Variants in CDH4 observed in about 807,000 individuals in gnomAD.
CDH4 encodes the protein cadherin 4.
In CDH4, 33 loss-of-function variants were observed where a neutral mutation model predicts 86.0. The ratio of observed to expected loss-of-function variants is 0.38; its 90% CI spans 0.29 to 0.51. The LOEUF (loss-of-function observed/expected upper bound fraction) is 0.51. Ranked by LOEUF, CDH4 falls within the 20% of genes least tolerant of loss-of-function variation. The probability of loss-of-function intolerance (pLI) is 0.86; values close to 1 mark genes in which losing one functional copy is unlikely to be tolerated. For synonymous variants in CDH4, 555 were observed against 549.4 expected, an observed-to-expected ratio of 1.01 and a Z score of -0.14; for missense variants, 1,114 against 1,307.4, an observed-to-expected ratio of 0.85 and a Z score of 2.28.
intron 2 of CDH4, among the ~76,000 whole-genome samples, chr20:61,508,898 G>A (rs1260392587): frequency 1.3e-5 from 2 of 152,312 alleles, no homozygotes; most frequent in East Asian, 3.9e-4. Context: ...CAGGAAGCTG[G>A]GTTCCACCCC....
intron 2 of CDH4, among the ~76,000 whole-genome samples, chr20:61,460,255 A>G (rs1389521801): frequency 6.6e-6 from 1 of 152,106 alleles, no homozygotes; most frequent in Admixed American, 6.5e-5. Context: ...TCCCTTCCTA[A>G]GGAAGGGAAA....
At chr20:61,872,554 A>G (rs6061374) in intron 6 of CDH4, among the ~76,000 whole-genome samples, 124,270 of 152,180 alleles carry the variant, frequency 0.82, 50,914 homozygotes, top group South Asian at 0.88. Flanking sequence ...GAGGCACTGC[A>G]CAGGTAGAGG....
intron 2 of CDH4, among the ~76,000 whole-genome samples, chr20:61,666,611 G>A (rs908715952): frequency 1.3e-5 from 2 of 152,202 alleles, no homozygotes; most frequent in African/African-American, 2.4e-5. Context: ...GGCCACATCC[G>A]CAGAACTGTT....
intron 2 of CDH4, among the ~76,000 whole-genome samples, chr20:61,717,158 A>G (rs1010634312): frequency 2.0e-5 from 3 of 152,186 alleles, no homozygotes; most frequent in African/African-American, 7.2e-5. Flanking sequence ...AGAGATGAGT[A>G]AAGCACTCAA....
intron 9 of CDH4, among the ~76,000 whole-genome samples, chr20:61,917,997 G>A (rs1422123384): frequency 6.6e-6 from 1 of 152,244 alleles, no homozygotes; most frequent in Non-Finnish European, 1.5e-5. Context: ...TCCCTCAGGG[G>A]CTTGTTCATA....
chr20:61,688,766 T>C (rs938852321), intron 2 of CDH4, among the ~76,000 whole-genome samples: 1 of 152,270 alleles, frequency 6.6e-6, no homozygotes, highest in Non-Finnish European at 1.5e-5. Context: ...ATTCATCTTT[T>C]AAATTATATT....
intron 2 of CDH4, among the ~76,000 whole-genome samples, chr20:61,725,747 G>T (rs2088102921): frequency 6.6e-6 from 1 of 150,982 alleles, no homozygotes; most frequent in Non-Finnish European, 1.5e-5. Flanking sequence ...GGGGGAGGAG[G>T]CCAGAGGTGA....
At position 61,900,110 on chromosome 20, in the gene CDH4, C is replaced by CGGG. The variant is rs150038969; in HGVS notation, c.1188+5068_1188+5070dup. Among the ~76,000 whole-genome samples, 65 of 152,182 alleles carry CGGG rather than the reference C, an allele frequency of 4.3e-4. 1 individual carries two copies. Among genetic ancestry groups the CGGG allele is most frequent in the Non-Finnish European group, 1.0e-4 (7 of 68,008 alleles). ...CAGACAGGCTACTGGCCAGCCTCAG[C>CGGG]GGGGGGGACTGGCTGGGCTGACCCA... is the stretch of plus-strand genomic sequence containing the variant. On this transcript the variant is annotated intron_variant, in intron 8 of 15. Transcript: ENST00000614565.
In CDH4 at chr20:61,345,658, C is replaced by T. The variant is rs150292583; in HGVS notation, c.169+90721C>T. The stretch of plus-strand genomic sequence containing the variant: ...TCAGGTTTACTTTCCCCTCTGGCAA[C>T]GAGGAGGGGAACAGGGGAAGAGAGA... On this transcript the variant is annotated intron_variant, in intron 2 of 15. Coordinates refer to ENST00000614565, the MANE Select transcript of CDH4 (RefSeq NM_001794.5). 2.3e-3 allele frequency among the ~76,000 whole-genome samples: 343 copies of T among 152,240 alleles called. 2 individuals are homozygous for T. Among genetic ancestry groups the T allele is most frequent in the African/African-American group, 7.2e-3 (298 of 41,548 alleles).
At chr20:61,757,505 C>A (rs13036268) in intron 3 of CDH4, among the ~76,000 whole-genome samples, 22,092 of 152,234 alleles carry the variant, frequency 0.15, 1,726 homozygotes, top group Non-Finnish European at 0.16. Flanking sequence ...GCCCCAGGGG[C>A]AGTCAGCTGC....
At chr20:61,826,523 A>G (rs1981320457) in intron 4 of CDH4, among the ~76,000 whole-genome samples, 1 of 152,172 alleles carries the variant, frequency 6.6e-6, no homozygotes. Flanking sequence ...TAAGGAGAAC[A>G]TGCACCAGCC....
intron 2 of CDH4, among the ~76,000 whole-genome samples, chr20:61,485,944 C>T (rs2085594115): frequency 6.6e-6 from 1 of 152,228 alleles, no homozygotes; most frequent in African/African-American, 2.4e-5. Flanking sequence ...TTACACCACC[C>T]CCTTGAGTCG....
intron 2 of CDH4, among the ~76,000 whole-genome samples, chr20:61,507,971 C>A (rs571240863): frequency 2.8e-4 from 43 of 152,352 alleles, no homozygotes; most frequent in African/African-American, 1.0e-3. Flanking sequence ...ACGCCCATGA[C>A]CCCACCGCCG....
chr20:61,870,706 G>C (rs780967459), intron 6 of CDH4, among the ~76,000 whole-genome samples: 4 of 152,148 alleles, frequency 2.6e-5, no homozygotes, highest in Non-Finnish European at 4.4e-5. Flanking sequence ...AACCAGATGA[G>C]CCAAATGCGG....
chr20:61,685,403 G>GC (rs1480344609), intron 2 of CDH4, among the ~76,000 whole-genome samples: 6 of 152,218 alleles, frequency 3.9e-5, no homozygotes. Flanking sequence ...CAGGGGTTGA[G>GC]CAAGTGCTCT....
chr20:61,325,101 G>A (rs2084529692), intron 2 of CDH4, among the ~76,000 whole-genome samples: 1 of 152,116 alleles, frequency 6.6e-6, no homozygotes, highest in African/African-American at 2.4e-5. Flanking sequence ...CTATGTGGAT[G>A]TGAGACAAGA....
intron 2 of CDH4, among the ~76,000 whole-genome samples, chr20:61,662,784 A>T (rs553547151): frequency 6.6e-6 from 1 of 152,236 alleles, no homozygotes; most frequent in African/African-American, 2.4e-5. Flanking sequence ...TGTGCACGCA[A>T]ATGGGAGGTA....
intron 2 of CDH4, among the ~76,000 whole-genome samples, chr20:61,521,700 T>G (rs2085870145): frequency 6.6e-6 from 1 of 152,034 alleles, no homozygotes; most frequent in African/African-American, 2.4e-5. Context: ...AAACCACAAT[T>G]AATTCATAAT....
chr20:61,926,395 G>A (rs1293807203), intron 11 of CDH4, among the ~76,000 whole-genome samples: 5 of 152,222 alleles, frequency 3.3e-5, no homozygotes, highest in African/African-American at 7.2e-5. Context: ...AAGACAGGAC[G>A]TGGACACCCC....
Sources: gnomAD v4.1 joint callset for allele counts (sites outside exome capture counted in the v4.1 genomes callset) on GRCh38, gnomAD v4.1.1 for gene constraint, MANE v1.5 for transcripts, NCBI Gene and HGNC (gene_info 2026-07-23, HGNC 2026-07-21) for gene names.